The following HSPA13 variants were observed in gnomAD, a reference collection of about 807,000 sequenced individuals.
HSPA13 encodes heat shock 70 kDa protein 13.
A neutral mutation model predicts 38.8 loss-of-function variants in HSPA13; 29 were observed. That is an observed-to-expected ratio of 0.75 (90% confidence interval 0.56 to 1.02). HSPA13 has a LOEUF of 1.02. HSPA13 is among the 50% of genes least tolerant of loss of function. The pLI, the probability that HSPA13 is intolerant of heterozygous loss-of-function variation, is 0.00. For missense variants in HSPA13, 451 were observed against 560.9 expected, an observed-to-expected ratio of 0.80 and a Z score of 1.98; for synonymous variants, 192 against 205.3, an observed-to-expected ratio of 0.94 and a Z score of 0.56.
Position 14,372,517 on chromosome 21 carries a change from T to A in HSPA13, c.*1100A>T, listed in dbSNP as rs1982851147. ...GTTACTTCCAGTATTCACAAATTTT[T>A]TGCTTTCATTACAAACTAACCTAAT... On this transcript the variant is annotated 3_prime_UTR_variant, in exon 5 of 5. Transcript: ENST00000285667. 2 of 152,156 alleles carry A rather than the reference T, an allele frequency of 1.3e-5. 1 individual carries two copies. The highest frequency in any genetic ancestry group is 4.1e-4 in the South Asian group (2 of 4,834). 9.4% of individuals were successfully genotyped at this position (152,156 alleles called of 1,614,324 possible).
At chr21:14,376,429 TA>T (rs1366225604) in intron 3 of HSPA13, among the ~76,000 whole-genome samples, 1 of 151,928 alleles carries the variant, frequency 6.6e-6, no homozygotes, top group Non-Finnish European at 1.5e-5. Context: ...TAAAAAAAAA[TA>T]AAAAATTTAA....
chr21:14,374,922 A>G (rs1301939910), intron 4 of HSPA13, among the ~76,000 whole-genome samples: 1 of 152,194 alleles, frequency 6.6e-6, no homozygotes, highest in Non-Finnish European at 1.5e-5. Flanking sequence ...ATAATTTCAA[A>G]GGAAAAGAGT....
In HSPA13 at chr21:14,372,920, G is replaced by T. The variant is rs1021093588; in HGVS notation, c.*697C>A. Reference sequence around the variant, plus strand: ...CAGAGAATGATGTACAGGACATAAAGGAACTAGAATATAATTGGGTATTTC... The same window carrying T: ...CAGAGAATGATGTACAGGACATAAATGAACTAGAATATAATTGGGTATTTC... On this transcript the variant is annotated 3_prime_UTR_variant, in exon 5 of 5. Transcript: ENST00000285667. 4 of 152,110 alleles carry T rather than the reference G, an allele frequency of 2.6e-5. No homozygotes were observed. Among genetic ancestry groups the T allele is most frequent in the Non-Finnish European group, 4.4e-5 (3 of 67,980 alleles). 9.4% of individuals were successfully genotyped at this position (152,110 alleles called of 1,614,324 possible).
Position 14,373,404 on chromosome 21 carries a change from T to G in HSPA13, c.*213A>C, listed in dbSNP as rs927126611. The G allele has an allele frequency of 1.9e-6, 1 of 517,988 alleles. No homozygotes were observed. The highest frequency in any genetic ancestry group is 1.9e-5 in the African/African-American group (1 of 52,770). 32.1% of individuals were successfully genotyped at this position (517,988 alleles called of 1,614,324 possible). A position where few individuals can be genotyped will look rare whatever the true frequency, so the allele number is the denominator to read the frequency against. On this transcript the variant is annotated 3_prime_UTR_variant, in exon 5 of 5. Coordinates refer to ENST00000285667, the MANE Select transcript of HSPA13 (RefSeq NM_006948.5). ...CCTCAATTTTATCATTTTAGAGTATTTGTTAGAATAGGATCTCTCCAAAAT... is the reference window on the plus strand; with the variant it reads ...CCTCAATTTTATCATTTTAGAGTATGTGTTAGAATAGGATCTCTCCAAAAT...
Position 14,381,465 on chromosome 21 carries a change from C to G in HSPA13, c.104G>C (p.Gly35Ala), listed in dbSNP as rs759512970. Reference protein sequence around the residue: ...YLPLPTPKVIGIDLGTTYCSV... With the variant: ...YLPLPTPKVIAIDLGTTYCSV... The stretch of plus-strand genomic sequence containing the variant: ...ACAATAGGTGGTGCCAAGATCAATA[C>G]CAATCACTTTAGGAGTAGGCAATGG... The change falls in exon 2 of 5, where the codon GGT (glycine) becomes GCT (alanine). Residue 35 changes from glycine to alanine, a missense_variant. By Grantham distance (60) the Gly-to-Ala change is moderately conservative. Coordinates refer to ENST00000285667, the MANE Select transcript of HSPA13 (RefSeq NM_006948.5). 1 of 1,614,146 alleles carries G rather than the reference C, an allele frequency of 6.2e-7. No individual in the cohort carries two copies. The highest frequency in any genetic ancestry group is 8.5e-7 in the Non-Finnish European group (1 of 1,180,010).
rs1275002348 is a variant in HSPA13 at position 14,372,287 on chromosome 21, A to C, written c.*1330T>G. On this transcript the variant is annotated 3_prime_UTR_variant, in exon 5 of 5. Coordinates refer to ENST00000285667, the MANE Select transcript of HSPA13 (RefSeq NM_006948.5). The stretch of plus-strand genomic sequence containing the variant: ...TTTGAATAATATGAAGCATTCCTCT[A>C]TTAAGGAAAATATGTATATATATAT... 1 of 152,052 alleles carries C rather than the reference A, an allele frequency of 6.6e-6. No homozygotes were observed. 9.4% of individuals were successfully genotyped at this position (152,052 alleles called of 1,614,324 possible).
intron 2 of HSPA13, 25 bp from the exon 3 acceptor site, chr21:14,378,437 TA>T: frequency 6.9e-7 from 1 of 1,458,422 alleles, no homozygotes; most frequent in Non-Finnish European, 9.6e-7. Flanking sequence ...TGCAAATAAG[TA>T]AATAAATAAA....
intron 2 of HSPA13, among the ~76,000 whole-genome samples, chr21:14,379,798 C>A (rs1239420914): frequency 6.6e-6 from 1 of 151,808 alleles, no homozygotes; most frequent in Non-Finnish European, 1.5e-5. Context: ...AGCACTGATA[C>A]AACTGTCTAT....
chr21:14,381,380 C>T lies in HSPA13; in HGVS notation c.189G>A (p.Gly63=), dbSNP rs375770065. 1.2e-6 allele frequency: 2 copies of T among 1,613,966 alleles called. No homozygotes were observed. Among genetic ancestry groups the T allele is most frequent in the Admixed American group, 1.7e-5 (1 of 60,002 alleles). The change falls in exon 2 of 5, where the codon GGG becomes GGA. Residue 63 remains glycine, a synonymous_variant. Coordinates refer to ENST00000285667, the MANE Select transcript of HSPA13 (RefSeq NM_006948.5). ...ACACCATGCTGGGTATGCTGATATG[C>T]CCATTTTCATCTGGAATCACCTTTA... ...GKVKVIPDEN[G]HISIPSMVSF... is the part of the protein sequence containing the mutation.
Position 14,373,709 on chromosome 21 carries a change from T to C in HSPA13, c.1324A>G (p.Ile442Val), listed in dbSNP as rs1331134500. The C allele has an allele frequency of 6.2e-7, 1 of 1,614,168 alleles. No individual in the cohort carries two copies. The highest frequency in any genetic ancestry group is 8.5e-7 in the Non-Finnish European group (1 of 1,180,012). ...PDLAVVTGVA[I>V]QAGIDGGSWP... ...GAGCCTCCATCAATCCCTGCTTGGA[T>C]AGCCACTCCCGTTACTACTGCTAGG... Residue 442 changes from isoleucine (I) to valine (V), a missense_variant, in exon 5 of 5, where the codon ATC becomes GTC. Transcript: ENST00000285667.
At chr21:14,380,663 T>A (rs1984144920) in intron 2 of HSPA13, among the ~76,000 whole-genome samples, 1 of 152,150 alleles carries the variant, frequency 6.6e-6, no homozygotes, top group African/African-American at 2.4e-5. Context: ...TAGGAAACTT[T>A]CAGAGAAGTG....
chr21:14,373,384 AT>A lies in HSPA13; in HGVS notation c.*232del, dbSNP rs1982873768. 2 of 474,966 alleles carry A rather than the reference AT, an allele frequency of 4.2e-6. No homozygotes were observed. The highest frequency in any genetic ancestry group is 7.5e-6 in the Non-Finnish European group (2 of 268,326). The allele number at this position is 474,966 out of a possible 1,614,324, so 29.4% of individuals were successfully genotyped here. ...ACTCTTTTAAGAGAGTTGTACCTCA[AT>A]TTTATCATTTTAGAGTATTTGTTAG... On this transcript the variant is annotated 3_prime_UTR_variant, in exon 5 of 5. Coordinates refer to ENST00000285667, the MANE Select transcript of HSPA13 (RefSeq NM_006948.5).
At position 14,377,421 on chromosome 21, in the gene HSPA13, C is replaced by A. The variant is rs76601379; in HGVS notation, c.580+778G>T. 4.4e-3 allele frequency among the ~76,000 whole-genome samples: 664 copies of A among 152,280 alleles called. 13 individuals are homozygous for A. Among genetic ancestry groups the A allele is most frequent in the African/African-American group, 0.015 (615 of 41,546 alleles). On this transcript the variant is annotated intron_variant, in intron 3 of 4. Transcript: ENST00000285667. ...AACATGTGTCCATTTTCTCTTTGAGCCTTTGTCCTGTAGCATCTGATTGGT... is the reference window on the plus strand; with the variant it reads ...AACATGTGTCCATTTTCTCTTTGAGACTTTGTCCTGTAGCATCTGATTGGT...
chr21:14,380,336 C>T (rs181913584), intron 2 of HSPA13, among the ~76,000 whole-genome samples: 3 of 148,788 alleles, frequency 2.0e-5, no homozygotes, highest in African/African-American at 4.9e-5. Flanking sequence ...TTATAGCTCA[C>T]TAAGGAAAAG....
intron 2 of HSPA13, among the ~76,000 whole-genome samples, chr21:14,380,291 A>T (rs1984135878): frequency 6.6e-6 from 1 of 151,900 alleles, no homozygotes; most frequent in Admixed American, 6.5e-5. Flanking sequence ...AAAAAAGGTA[A>T]GGAAAAGATA....
At chr21:14,378,781 G>A (rs1206965480) in intron 2 of HSPA13, among the ~76,000 whole-genome samples, 2 of 151,804 alleles carry the variant, frequency 1.3e-5, no homozygotes, top group African/African-American at 4.8e-5. Context: ...CACCATGCCT[G>A]GTTAATTTTT....
chr21:14,375,763 G>A lies in HSPA13; in HGVS notation c.637C>T (p.Leu213Phe). 1 of 1,614,040 alleles carries A rather than the reference G, an allele frequency of 6.2e-7. No individual in the cohort carries two copies. The highest frequency in any genetic ancestry group is 8.5e-7 in the Non-Finnish European group (1 of 1,179,912). Reference sequence around the variant, plus strand: ...ACGTGGAAGACGTCAGCCTTGTGGAGACCATAGGCCATAGCTGCTGCTGTG... The same window carrying A: ...ACGTGGAAGACGTCAGCCTTGTGGAAACCATAGGCCATAGCTGCTGCTGTG... ...EPTAAAMAYG[L>F]HKADVFHVLV... Residue 213 changes from leucine to phenylalanine, a missense_variant, in exon 4 of 5, where the codon CTC (leucine) becomes TTC (phenylalanine). Coordinates refer to ENST00000285667, the MANE Select transcript of HSPA13 (RefSeq NM_006948.5).
In HSPA13 at chr21:14,373,901, A is replaced by G. The variant is rs1428686463; in HGVS notation, c.1132T>C (p.Phe378Leu). ...KLFDTLNEDL[F>L]QKILVPIQQV... ...TGAATGGGTACCAGTATTTTCTGAA[A>G]GAGGTCTTCATTAAGGGTATCAAAG... The change falls in exon 5 of 5, where the codon TTT becomes CTT. Residue 378 changes from phenylalanine to leucine, a missense_variant. By Grantham distance (22) the Phe-to-Leu change is conservative (BLOSUM62 0). Coordinates refer to ENST00000285667, the MANE Select transcript of HSPA13 (RefSeq NM_006948.5). The G allele has an allele frequency of 6.2e-7, 1 of 1,614,208 alleles. No homozygotes were observed. The highest frequency in any genetic ancestry group is 1.3e-5 in the African/African-American group (1 of 75,044).
At chr21:14,382,768 A>T (rs1205954042) in intron 1 of HSPA13, among the ~76,000 whole-genome samples, 2 of 152,062 alleles carry the variant, frequency 1.3e-5, no homozygotes, top group African/African-American at 4.8e-5. Flanking sequence ...ACGTTCTCGC[A>T]GCCTTCCATA....
Sources: gnomAD v4.1 joint callset for allele counts (sites outside exome capture counted in the v4.1 genomes callset) on GRCh38, gnomAD v4.1.1 for gene constraint, MANE v1.5 for transcripts, NCBI Gene and HGNC (gene_info 2026-07-23, HGNC 2026-07-21) for gene names.